Variants in SFXN1 observed in about 807,000 individuals in gnomAD.
SFXN1 encodes sideroflexin 1, also known as sideroflexin-1.
A neutral mutation model predicts 39.5 loss-of-function variants in SFXN1; 32 were observed. The ratio of observed to expected loss-of-function variants is 0.81; its 90% CI spans 0.61 to 1.09. SFXN1 has a LOEUF of 1.09. SFXN1 is among the 50% of genes least tolerant of loss of function. The probability of loss-of-function intolerance (pLI) is 0.00; values close to 1 mark genes in which losing one functional copy is unlikely to be tolerated. For synonymous variants in SFXN1, 136 were observed against 146.5 expected, an observed-to-expected ratio of 0.93 and a Z score of 0.52; for missense variants, 402 against 407.1, an observed-to-expected ratio of 0.99 and a Z score of 0.11.
intron 2 of SFXN1, among the ~76,000 whole-genome samples, chr5:175,495,585 C>A (rs1428821836): frequency 6.6e-6 from 1 of 151,866 alleles, no homozygotes; most frequent in East Asian, 2.0e-4. Flanking sequence ...AAAAATTAGC[C>A]GAGTATGGTG....
intron 1 of SFXN1, among the ~76,000 whole-genome samples, chr5:175,488,354 G>A (rs1759526902): frequency 6.6e-6 from 1 of 150,800 alleles, no homozygotes; most frequent in African/African-American, 2.4e-5. Flanking sequence ...CCAGGCTGGA[G>A]TGCAATGGCA....
chr5:175,487,276 G>T (rs1759486982), intron 1 of SFXN1, among the ~76,000 whole-genome samples: 1 of 152,212 alleles, frequency 6.6e-6, no homozygotes, highest in Non-Finnish European at 1.5e-5. Context: ...CTCTCCAGGT[G>T]ATTTTGATGT....
chr5:175,516,971 C>T (rs1760732103), intron 8 of SFXN1, among the ~76,000 whole-genome samples: 1 of 152,138 alleles, frequency 6.6e-6, no homozygotes, highest in Non-Finnish European at 1.5e-5. Context: ...GTGTACAAGT[C>T]AGTAGTCATC....
At chr5:175,517,850 GGTT>G (rs1760760215) in intron 8 of SFXN1, among the ~76,000 whole-genome samples, 1 of 152,106 alleles carries the variant, frequency 6.6e-6, no homozygotes, top group Non-Finnish European at 1.5e-5. Flanking sequence ...GGTGTGCCTT[GGTT>G]GGCCTTCCGC....
Position 175,503,202 on chromosome 5 carries a change from G to A in SFXN1, c.165-5830G>A, listed in dbSNP as rs191961234. Among the ~76,000 whole-genome samples the A allele has an allele frequency of 1.4e-3, 211 of 152,258 alleles. 2 individuals are homozygous for A. Among genetic ancestry groups the A allele is most frequent in the Non-Finnish European group, 8.4e-4 (57 of 68,022 alleles). ...AAACTTAGCAAATTGGACACTTAAA[G>A]TGGATGACTTTTATGGTATTTAAAT... On this transcript the variant is annotated intron_variant, in intron 2 of 10. Transcript: ENST00000321442.
chr5:175,496,401 A>G lies in SFXN1; in HGVS notation c.164+4134A>G, dbSNP rs189768922. 3.9e-3 allele frequency among the ~76,000 whole-genome samples: 586 copies of G among 152,120 alleles called. 5 individuals carry two copies. Among genetic ancestry groups the G allele is most frequent in the African/African-American group, 0.013 (541 of 41,524 alleles). ...AAAAAAAATAGTAATAGCTATCTGA[A>G]TCTAAAGCCCTAGATTATAGTGTCA... On this transcript the variant is annotated intron_variant, in intron 2 of 10. Coordinates refer to ENST00000321442, the MANE Select transcript of SFXN1 (RefSeq NM_022754.7).
intron 1 of SFXN1, among the ~76,000 whole-genome samples, chr5:175,481,416 G>T (rs1159258412): frequency 6.6e-6 from 1 of 152,158 alleles, no homozygotes; most frequent in African/African-American, 2.4e-5. Flanking sequence ...CTGCCTCCCG[G>T]GTTCAAGTGA....
chr5:175,520,359 A>T (rs1425093032), intron 8 of SFXN1, among the ~76,000 whole-genome samples: 1 of 152,158 alleles, frequency 6.6e-6, no homozygotes, highest in Non-Finnish European at 1.5e-5. Flanking sequence ...AATGTTGTGA[A>T]TATCTAGCGA....
At chr5:175,488,892 T>C (rs910153845) in intron 1 of SFXN1, among the ~76,000 whole-genome samples, 2 of 152,198 alleles carry the variant, frequency 1.3e-5, no homozygotes, top group African/African-American at 4.8e-5. Context: ...GTTGTTTGTT[T>C]GTTTTCCCCA....
chr5:175,497,717 T>G (rs554176600), intron 2 of SFXN1, among the ~76,000 whole-genome samples: 113 of 152,004 alleles, frequency 7.4e-4, no homozygotes, highest in African/African-American at 2.5e-3. Flanking sequence ...TCACCTCAGG[T>G]TAGGAGTTCG....
rs1761100499 is a variant in SFXN1 at position 175,527,373 on chromosome 5, A to T, written c.*639A>T. 1 of 152,198 alleles carries T rather than the reference A, an allele frequency of 6.6e-6. No homozygotes were observed. Among genetic ancestry groups the T allele is most frequent in the South Asian group, 2.1e-4 (1 of 4,836 alleles). The allele number at this position is 152,198 out of a possible 1,614,324, so 9.4% of individuals were successfully genotyped here. A position where few individuals can be genotyped will look rare whatever the true frequency, so the allele number is the denominator to read the frequency against. The stretch of plus-strand genomic sequence containing the variant: ...CCTTCCCTGCTGGATCATTATATAC[A>T]TTCAGATTGTGAGTGGATTGCCTTG... On this transcript the variant is annotated 3_prime_UTR_variant, in exon 11 of 11. Coordinates refer to ENST00000321442, the MANE Select transcript of SFXN1 (RefSeq NM_022754.7).
rs116811624 is a variant in SFXN1, at chr5:175,483,024, G to A, written c.-10+4385G>A. ...TGGAAGGCGTAAGTTAATTTTGTTG[G>A]TGAATGAATAAATAAAAAGACTTTG... On this transcript the variant is annotated intron_variant, in intron 1 of 10. Transcript: ENST00000321442. Among the ~76,000 whole-genome samples, 408 of 152,280 alleles carry A rather than the reference G, an allele frequency of 2.7e-3. 1 individual carries two copies. Among genetic ancestry groups the A allele is most frequent in the African/African-American group, 9.5e-3 (396 of 41,556 alleles).
chr5:175,508,869 T>TTG (rs1760408295), intron 2 of SFXN1, among the ~76,000 whole-genome samples, 163 bp from the exon 3 acceptor site: 1 of 148,112 alleles, frequency 6.8e-6, no homozygotes, highest in African/African-American at 2.5e-5. Context: ...TCTCTTGACC[T>TTG]TGTGATCCAC....
At chr5:175,510,423 C>T (rs537594767) in intron 4 of SFXN1, 1 of 512,744 alleles carries the variant, frequency 2.0e-6, no homozygotes, top group East Asian at 3.6e-5. Flanking sequence ...AGCCTGCCTT[C>T]TCAGACATTA....
chr5:175,493,759 A>G (rs1292901964), intron 2 of SFXN1, among the ~76,000 whole-genome samples: 1 of 152,240 alleles, frequency 6.6e-6, no homozygotes, highest in Non-Finnish European at 1.5e-5. Flanking sequence ...GAAAAAGTAC[A>G]ATTACCGATA....
rs375962342 is a variant in SFXN1 at position 175,505,788 on chromosome 5, G to T, written c.165-3244G>T. Among the ~76,000 whole-genome samples, 16 of 152,192 alleles carry T rather than the reference G, an allele frequency of 1.1e-4. No individual in the cohort carries two copies. The East Asian group carries it at 1.2e-3, about 11-fold the overall frequency. Reference sequence around the variant, plus strand: ...ACAAACTCTCAACTGATGCAGGCCAGCCAAAAGAGAAAGTTAAGAATGTTT... The same window carrying T: ...ACAAACTCTCAACTGATGCAGGCCATCCAAAAGAGAAAGTTAAGAATGTTT... On this transcript the variant is annotated intron_variant, in intron 2 of 10. Coordinates refer to ENST00000321442, the MANE Select transcript of SFXN1 (RefSeq NM_022754.7).
intron 4 of SFXN1, 22 bp downstream of exon 4, chr5:175,510,229 ACT>A: frequency 6.3e-7 from 1 of 1,576,062 alleles, no homozygotes; most frequent in Non-Finnish European, 8.7e-7. Flanking sequence ...AGAATTGACC[ACT>A]CTCTGCAGTT....
intron 10 of SFXN1, among the ~76,000 whole-genome samples, chr5:175,524,959 A>T (rs958208169): frequency 6.6e-6 from 1 of 152,256 alleles, no homozygotes; most frequent in African/African-American, 2.4e-5. Flanking sequence ...GAAAGTCAGA[A>T]TAGGCCAGAT....
intron 4 of SFXN1, among the ~76,000 whole-genome samples, chr5:175,511,070 T>A (rs1313657550): frequency 6.6e-6 from 1 of 152,220 alleles, no homozygotes; most frequent in East Asian, 1.9e-4. Flanking sequence ...TTGAGAAATA[T>A]TTTTAAGCAA....
Sources: allele counts gnomAD v4.1 joint callset (sites outside exome capture counted in the v4.1 genomes callset), GRCh38; gene constraint gnomAD v4.1.1; transcripts MANE v1.5; gene names NCBI Gene and HGNC (gene_info 2026-07-23, HGNC 2026-07-21).